THSD7A: variants seen among roughly 807,000 people sequenced by gnomAD.
The protein encoded by THSD7A is thrombospondin type 1 domain containing 7A.
A neutral mutation model predicts 231.3 loss-of-function variants in THSD7A; 96 were observed. That is an observed-to-expected ratio of 0.41 (90% CI 0.35 to 0.49). The LOEUF is 0.49. Among genes scored for constraint, THSD7A ranks in the 20% least tolerant of loss-of-function variants. The pLI, the probability that THSD7A is intolerant of heterozygous loss-of-function variation, is 0.05. For missense variants in THSD7A, 2,290 were observed against 2,070.2 expected (o/e 1.11, Z -2.06); for synonymous variants, 940 against 743.3 (o/e 1.26, Z -4.30).
At chr7:11,707,359 T>C (rs1780802210) in intron 1 of THSD7A, among the ~76,000 whole-genome samples, 1 of 150,970 alleles carries the variant, frequency 6.6e-6, no homozygotes. Flanking sequence ...GAGCTATTAA[T>C]TTTTTACAGA....
intron 6 of THSD7A, among the ~76,000 whole-genome samples, chr7:11,515,724 A>G (rs943232851): frequency 1.3e-5 from 2 of 152,160 alleles, no homozygotes; most frequent in African/African-American, 4.8e-5. Flanking sequence ...AAGTGGCAGA[A>G]CAAGACCTAG....
At chr7:11,619,111 G>C (rs925390697) in intron 2 of THSD7A, among the ~76,000 whole-genome samples, 6 of 151,790 alleles carry the variant, frequency 4.0e-5, no homozygotes, top group Non-Finnish European at 8.8e-5. Flanking sequence ...ATCTAACCTA[G>C]AGGACACAAA....
intron 1 of THSD7A, among the ~76,000 whole-genome samples, chr7:11,757,069 C>A (rs1049405515): frequency 6.6e-6 from 1 of 151,808 alleles, no homozygotes; most frequent in Non-Finnish European, 1.5e-5. Context: ...TAATGTTTTA[C>A]ATCTAGTGTG....
intron 1 of THSD7A, among the ~76,000 whole-genome samples, chr7:11,806,829 C>G (rs895735588): frequency 3.3e-5 from 5 of 152,124 alleles, no homozygotes; most frequent in Admixed American, 1.3e-4. Flanking sequence ...GCATTCCCCT[C>G]TGCTGCTAAA....
chr7:11,405,310 T>C (rs932647046), intron 22 of THSD7A, among the ~76,000 whole-genome samples: 3 of 152,170 alleles, frequency 2.0e-5, no homozygotes, highest in Non-Finnish European at 4.4e-5. Context: ...CATCCTTTTA[T>C]ATAGAAAATG....
chr7:11,439,253 T>A (rs1784727919), intron 13 of THSD7A, among the ~76,000 whole-genome samples: 1 of 151,976 alleles, frequency 6.6e-6, no homozygotes, highest in Non-Finnish European at 1.5e-5. Context: ...ATTAGAATGT[T>A]TTACAGGTAT....
At position 11,481,901 on chromosome 7, in the gene THSD7A, C is replaced by A. The variant is rs1786441023; in HGVS notation, c.1904G>T (p.Cys635Phe). 1 of 1,613,756 alleles carries A rather than the reference C, an allele frequency of 6.2e-7. No individual in the cohort carries two copies. The highest frequency in any genetic ancestry group is 8.5e-7 in the Non-Finnish European group (1 of 1,179,728). The stretch of plus-strand genomic sequence containing the variant: ...CCACGTAGACCATGTGCTGAGCACA[C>A]AGTCTTTCGGGCATGGGGCATCACA... ...VACDAPCPKD[C>F]VLSTWSTWSS... The change falls in exon 7 of 28, where the codon TGT becomes TTT. Residue 635 changes from cysteine to phenylalanine, a missense_variant. Transcript: ENST00000423059.
intron 13 of THSD7A, among the ~76,000 whole-genome samples, chr7:11,437,069 C>T (rs115000290): frequency 3.0e-4 from 46 of 152,132 alleles, no homozygotes; most frequent in African/African-American, 9.4e-4. Flanking sequence ...CACTTTATTC[C>T]TAAAAAACTG....
At chr7:11,638,948 G>A (rs537503007) in intron 1 of THSD7A, among the ~76,000 whole-genome samples, 1 of 152,090 alleles carries the variant, frequency 6.6e-6, no homozygotes, top group Non-Finnish European at 1.5e-5. Flanking sequence ...TTCTCAAAAT[G>A]AGAACCCAGT....
intron 1 of THSD7A, among the ~76,000 whole-genome samples, chr7:11,671,578 G>A (rs1454126846): frequency 6.6e-6 from 1 of 151,930 alleles, no homozygotes; most frequent in Admixed American, 6.6e-5. Flanking sequence ...TTTAAAAGAC[G>A]GTTACATAAA....
chr7:11,490,740 T>C (rs1786856204), intron 6 of THSD7A, among the ~76,000 whole-genome samples: 1 of 152,122 alleles, frequency 6.6e-6, no homozygotes, highest in Non-Finnish European at 1.5e-5. Context: ...TTAATTTTCA[T>C]GTGCTCCACA....
At chr7:11,472,043 C>T (rs1033766880) in intron 8 of THSD7A, among the ~76,000 whole-genome samples, 1 of 152,088 alleles carries the variant, frequency 6.6e-6, no homozygotes, top group African/African-American at 2.4e-5. Flanking sequence ...ATAGTCACAG[C>T]AAGATACTTG....
intron 1 of THSD7A, among the ~76,000 whole-genome samples, chr7:11,798,393 C>T (rs764844239): frequency 6.6e-5 from 10 of 151,590 alleles, no homozygotes; most frequent in Non-Finnish European, 1.0e-4. Flanking sequence ...ATTGCTTGAA[C>T]ATGGGGAGCG....
intron 1 of THSD7A, among the ~76,000 whole-genome samples, chr7:11,695,919 A>G (rs1219587258): frequency 6.6e-6 from 1 of 151,558 alleles, no homozygotes; most frequent in Non-Finnish European, 1.5e-5. Context: ...CTAGGGAGAT[A>G]GGAGGCTATT....
At chr7:11,726,794 T>C (rs1781562841) in intron 1 of THSD7A, among the ~76,000 whole-genome samples, 1 of 151,992 alleles carries the variant, frequency 6.6e-6, no homozygotes, top group Non-Finnish European at 1.5e-5. Flanking sequence ...TTCAGTAGTC[T>C]GAAGAAAATA....
chr7:11,656,997 A>G, intron 1 of THSD7A, among the ~76,000 whole-genome samples: 1 of 151,894 alleles, frequency 6.6e-6, no homozygotes. Context: ...AATTGTTAAG[A>G]CTGCCATGTA....
At position 11,415,991 on chromosome 7, in the gene THSD7A, C is replaced by T. The variant is rs191759919; in HGVS notation, c.3537+1459G>A. ...GTCTCTCTGAACCTGTTCTGGTTTG[C>T]GAGGCTGCCCGATTCTTGAATGGTT... On this transcript the variant is annotated intron_variant, in intron 17 of 27. Transcript: ENST00000423059. Among the ~76,000 whole-genome samples, 29 of 152,234 alleles carry T rather than the reference C, an allele frequency of 1.9e-4. 1 individual carries two copies. In the South Asian group the frequency reaches 2.5e-3, roughly 13 times the overall value.
intron 1 of THSD7A, among the ~76,000 whole-genome samples, chr7:11,806,018 T>A (rs1471501067): frequency 6.6e-6 from 1 of 152,170 alleles, no homozygotes. Context: ...TATTTTGACC[T>A]TCATTAACAA....
intron 2 of THSD7A, among the ~76,000 whole-genome samples, chr7:11,594,368 G>C (rs1313088092): frequency 6.6e-6 from 1 of 152,142 alleles, no homozygotes; most frequent in Non-Finnish European, 1.5e-5. Flanking sequence ...TGGTTCTACA[G>C]GAGCAGAATA....
Sources: gnomAD v4.1 joint callset for allele counts (sites outside exome capture counted in the v4.1 genomes callset) on GRCh38, gnomAD v4.1.1 for gene constraint, MANE v1.5 for transcripts, NCBI Gene and HGNC (gene_info 2026-07-23, HGNC 2026-07-21) for gene names.